PPP2R2B: variants seen among roughly 807,000 people sequenced by gnomAD.
PPP2R2B encodes the protein serine/threonine-protein phosphatase 2A 55 kDa regulatory subunit B beta isoform.
In PPP2R2B, 5 loss-of-function variants were observed where a neutral mutation model predicts 46.0. The observed-to-expected ratio is 0.11, with a 90% confidence interval of 0.06 to 0.23. The LOEUF is 0.23. PPP2R2B is among the 10% of genes least tolerant of loss of function. The probability of loss-of-function intolerance (pLI) is 1.00; values close to 1 mark genes in which losing one functional copy is unlikely to be tolerated. For synonymous variants in PPP2R2B, 215 were observed against 206.7 expected (o/e 1.04, Z -0.34); for missense variants, 367 against 575.0 (o/e 0.64, Z 3.70).
intron 2 of PPP2R2B, among the ~76,000 whole-genome samples, chr5:146,788,488 T>C (rs1755987328): frequency 6.6e-6 from 1 of 152,102 alleles, no homozygotes; most frequent in Non-Finnish European, 1.5e-5. Context: ...CCAGCACGTT[T>C]GGGAGGCCGA....
intron 2 of PPP2R2B, among the ~76,000 whole-genome samples, chr5:146,834,284 A>G (rs956336318): frequency 3.3e-5 from 5 of 152,176 alleles, no homozygotes; most frequent in Non-Finnish European, 5.9e-5. Flanking sequence ...TGTTTTATGT[A>G]GAGGAGAACA....
intron 1 of PPP2R2B, among the ~76,000 whole-genome samples, chr5:146,926,574 C>A (rs1763789767): frequency 6.6e-6 from 1 of 151,950 alleles, no homozygotes; most frequent in Non-Finnish European, 1.5e-5. Context: ...CTAGAGGTTG[C>A]TCCTGTGTCT....
At position 146,920,820 on chromosome 5, in the gene PPP2R2B, C is replaced by G. The variant is rs74955406; in HGVS notation, c.79+134845G>C. On this transcript the variant is annotated intron_variant, in intron 1 of 8. Coordinates refer to the PPP2R2B transcript ENST00000336640. Reference sequence around the variant, plus strand: ...GTGGGTACGTCTGCAGTATCCCCTACGTTTGAAAAACAGGTCTGAATCTCA... The same window carrying G: ...GTGGGTACGTCTGCAGTATCCCCTAGGTTTGAAAAACAGGTCTGAATCTCA... Among the ~76,000 whole-genome samples, 857 of 152,184 alleles carry G rather than the reference C, an allele frequency of 5.6e-3. 28 individuals are homozygous for G. In the East Asian group the frequency reaches 0.067, roughly 12 times the overall value.
At chr5:146,640,398 A>G (rs1322156570) in intron 6 of PPP2R2B, among the ~76,000 whole-genome samples, 1 of 152,232 alleles carries the variant, frequency 6.6e-6, no homozygotes, top group Non-Finnish European at 1.5e-5. Context: ...TTAGCATCAC[A>G]TGCTGTGGAG....
At chr5:146,974,810 TC>T (rs1752824508) in intron 1 of PPP2R2B, among the ~76,000 whole-genome samples, 1 of 151,812 alleles carries the variant, frequency 6.6e-6, no homozygotes, top group Non-Finnish European at 1.5e-5. Context: ...TGCCTCAACT[TC>T]CTGAGTAGCT....
intron 1 of PPP2R2B, among the ~76,000 whole-genome samples, chr5:146,979,558 A>AACACACACACACACAC (rs34864782): frequency 2.2e-5 from 3 of 137,272 alleles, no homozygotes; most frequent in African/African-American, 5.3e-5. Context: ...CCCACCTTGA[A>AACACACACACACACAC]ACACACACAC....
At chr5:146,897,348 T>C (rs2915839) in intron 1 of PPP2R2B, among the ~76,000 whole-genome samples, 74,464 of 152,046 alleles carry the variant, frequency 0.49, 20,102 homozygotes, top group East Asian at 0.72. Flanking sequence ...ACACCCTGGG[T>C]GGATACAATA....
At chr5:146,959,640 G>T (rs1206978866) in intron 1 of PPP2R2B, among the ~76,000 whole-genome samples, 2 of 152,272 alleles carry the variant, frequency 1.3e-5, no homozygotes, top group South Asian at 2.1e-4. Flanking sequence ...ACAATGGAAA[G>T]GTTTCTGGGT....
intron 1 of PPP2R2B, among the ~76,000 whole-genome samples, chr5:146,986,295 G>A (rs1248242641): frequency 1.3e-5 from 2 of 152,118 alleles, no homozygotes; most frequent in East Asian, 3.9e-4. Context: ...ACATGGAATA[G>A]AAACCTGCAG....
chr5:146,855,150 G>A (rs1314023760), intron 2 of PPP2R2B, among the ~76,000 whole-genome samples: 1 of 152,054 alleles, frequency 6.6e-6, no homozygotes, highest in Non-Finnish European at 1.5e-5. Flanking sequence ...TGCACTGAAA[G>A]TGTTACTTAG....
chr5:146,878,211 G>C lies in PPP2R2B; in HGVS notation c.-124-16C>G, dbSNP rs1226423919. ...TGGTCCGAGCCTGAGGAGGAGACGG[G>C]GAGGCGGAGAGAAAAAAAATAAAAA... On this transcript the variant is annotated splice_polypyrimidine_tract_variant and intron_variant, in intron 1 of 9. Coordinates refer to ENST00000394411, the MANE Select transcript of PPP2R2B (RefSeq NM_181675.4). The surrounding 1 kb of genome is among the most constrained non-coding windows in gnomAD (Gnocchi z 4.5). 32 of 1,554,540 alleles carry C rather than the reference G, an allele frequency of 2.1e-5. No individual in the cohort carries two copies. The highest frequency in any genetic ancestry group is 2.6e-5 in the Non-Finnish European group (30 of 1,150,102).
Position 146,590,061 on chromosome 5 carries a change from G to C in PPP2R2B, c.1218C>G (p.Val406=). The change falls in exon 10 of 10, where the codon GTC becomes GTG. Residue 406 remains valine (V), a synonymous_variant. Coordinates refer to ENST00000394411, the MANE Select transcript of PPP2R2B (RefSeq NM_181675.4). ...GGKRRKDEIS[V]DSLDFSKKIL... ...TCTTTTTGCTAAAGTCCAGACTGTC[G>C]ACACTGATCTCGTCTTTTCTCCGCT... The C allele has an allele frequency of 6.2e-7, 1 of 1,614,022 alleles. No homozygotes were observed. Among genetic ancestry groups the C allele is most frequent in the Non-Finnish European group, 8.5e-7 (1 of 1,180,024 alleles).
intron 1 of PPP2R2B, among the ~76,000 whole-genome samples, chr5:147,041,435 T>C (rs1756293370): frequency 6.6e-6 from 1 of 152,210 alleles, no homozygotes; most frequent in African/African-American, 2.4e-5. Context: ...TTGGGCATTA[T>C]AAACAGCAAA....
chr5:146,685,119 T>C (rs942795748), intron 5 of PPP2R2B, among the ~76,000 whole-genome samples: 1 of 152,212 alleles, frequency 6.6e-6, no homozygotes, highest in Non-Finnish European at 1.5e-5. Flanking sequence ...ACAAAATACA[T>C]GGAAAAGTCC....
At chr5:146,595,978 A>C (rs994670051) in intron 8 of PPP2R2B, among the ~76,000 whole-genome samples, 1 of 152,174 alleles carries the variant, frequency 6.6e-6, no homozygotes, top group Non-Finnish European at 1.5e-5. Flanking sequence ...AGCCAACTCT[A>C]TTGGTCCGTT....
At chr5:146,666,964 C>CT (rs1203390652) in intron 5 of PPP2R2B, among the ~76,000 whole-genome samples, 3 of 152,290 alleles carry the variant, frequency 2.0e-5, no homozygotes, top group Admixed American at 2.0e-4. Context: ...CCTAACCTCT[C>CT]CTCCTAGATC....
rs368763869 is a variant in PPP2R2B at position 146,950,055 on chromosome 5, C to T, written c.79+105610G>A. On this transcript the variant is annotated intron_variant, in intron 1 of 8. Transcript: ENST00000336640. ...AAGTAAGAGCCAGTATTTGATAGCA[C>T]AACAGAATGATTACTGTCAACAATA... Among the ~76,000 whole-genome samples, 12 of 151,942 alleles carry T rather than the reference C, an allele frequency of 7.9e-5. No homozygotes were observed. In the South Asian group the frequency reaches 2.5e-3, roughly 32 times the overall value.
At chr5:146,702,253 T>G (rs1379719600) in intron 2 of PPP2R2B, among the ~76,000 whole-genome samples, 1 of 152,202 alleles carries the variant, frequency 6.6e-6, no homozygotes, top group East Asian at 1.9e-4. Context: ...ATGCCTGATT[T>G]ATTCAGGTAA....
At chr5:147,068,459 T>C (rs1027577445) in intron 2 of PPP2R2B, among the ~76,000 whole-genome samples, 2 of 152,226 alleles carry the variant, frequency 1.3e-5, no homozygotes, top group South Asian at 4.1e-4. Context: ...CAAAGAGTAT[T>C]ACTTTATGTG....
Sources: gnomAD v4.1 joint callset for allele counts (sites outside exome capture counted in the v4.1 genomes callset) on GRCh38, gnomAD v4.1.1 for gene constraint, Gnocchi (gnomAD v3.1) non-coding constraint, MANE v1.5 for transcripts, NCBI Gene and HGNC (gene_info 2026-07-23, HGNC 2026-07-21) for gene names.